The following RBM45 variants were observed in gnomAD, a reference collection of about 807,000 sequenced individuals.
The protein encoded by RBM45 is RNA binding motif protein 45, also known as RNA-binding protein 45.
In RBM45, 39 loss-of-function variants were observed where a neutral mutation model predicts 58.5. The observed-to-expected ratio is 0.67, with a 90% CI of 0.52 to 0.87. The LOEUF (loss-of-function observed/expected upper bound fraction) is 0.87. Ranked by LOEUF, RBM45 falls within the 40% of genes least tolerant of loss-of-function variation. RBM45 has a pLI of 0.00. For missense variants in RBM45, 481 were observed against 581.6 expected (o/e 0.83, Z 1.78); for synonymous variants, 193 against 203.0 (o/e 0.95, Z 0.42).
At chr2:178,116,457 A>C in intron 2 of RBM45, 73 bp downstream of exon 2, 1 of 1,328,360 alleles carries the variant, frequency 7.5e-7, no homozygotes. Flanking sequence ...CTAAATCTGA[A>C]ATGTTGTTGG....
At position 178,123,394 on chromosome 2, in the gene RBM45, C is replaced by T. The variant is rs528012263; in HGVS notation, c.854-128C>T. 7.4e-5 allele frequency: 66 copies of T among 887,564 alleles called. No individual in the cohort carries two copies. The South Asian group carries it at 7.7e-4, about 10-fold the overall frequency. The allele number at this position is 887,564 out of a possible 1,614,324, so 55.0% of individuals were successfully genotyped here. A position where few individuals can be genotyped will look rare whatever the true frequency, so the allele number is the denominator to read the frequency against. ...ACAGAACTGTGTTTTCTGATACATT[C>T]GATTCTGTATTTACTAGTTGTGTGA... is the stretch of plus-strand genomic sequence containing the variant. On this transcript the variant is annotated intron_variant, in intron 5 of 9. Coordinates refer to ENST00000286070, the MANE Select transcript of RBM45 (RefSeq NM_152945.4).
chr2:178,127,070 G>A (rs2087940774), intron 9 of RBM45, among the ~76,000 whole-genome samples: 1 of 152,062 alleles, frequency 6.6e-6, no homozygotes, highest in African/African-American at 2.4e-5. Flanking sequence ...CCCAGTAGCT[G>A]GGACTACAGG....
At chr2:178,114,442 G>A (rs1243748084) in intron 1 of RBM45, among the ~76,000 whole-genome samples, 1 of 152,128 alleles carries the variant, frequency 6.6e-6, no homozygotes, top group Non-Finnish European at 1.5e-5. Context: ...ACACCGAAAT[G>A]TACCCTCTCT....
chr2:178,125,064 G>C (rs2087910916), intron 8 of RBM45, among the ~76,000 whole-genome samples: 1 of 152,096 alleles, frequency 6.6e-6, no homozygotes, highest in African/African-American at 2.4e-5. Context: ...TAGACAGGAA[G>C]CTTGTTAAAG....
chr2:178,135,685 A>G (rs557275120), intron 3 of RBM45, among the ~76,000 whole-genome samples: 1 of 152,312 alleles, frequency 6.6e-6, no homozygotes, highest in South Asian at 2.1e-4. Context: ...GATCTTGTTG[A>G]TATTATTAGC....
intron 8 of RBM45, chr2:178,125,652 G>A (rs2087919290): frequency 8.1e-6 from 4 of 491,408 alleles, no homozygotes; most frequent in Middle Eastern, 3.2e-4. Flanking sequence ...ATGGGGAGCT[G>A]CTGAGGGGAC....
At chr2:178,114,128 A>G (rs1237263951) in intron 1 of RBM45, among the ~76,000 whole-genome samples, 3 of 152,240 alleles carry the variant, frequency 2.0e-5, no homozygotes, top group African/African-American at 7.2e-5. Context: ...TAAATATTTT[A>G]GGCTTTGCAG....
chr2:178,121,036 G>A (rs1574410953), intron 4 of RBM45, 144 bp from the exon 5 acceptor site: 4 of 438,924 alleles, frequency 9.1e-6, no homozygotes, highest in East Asian at 7.0e-5. Context: ...TAGTCCCATC[G>A]GTAGTTCTGA....
rs774286990 is a variant in RBM45 at position 178,126,037 on chromosome 2, A to G, written c.1286A>G (p.Tyr429Cys). The change falls in exon 9 of 10, where the codon TAT (tyrosine) becomes TGT (cysteine). Residue 429 changes from tyrosine to cysteine, a missense_variant. Coordinates refer to ENST00000286070, the MANE Select transcript of RBM45 (RefSeq NM_152945.4). ...CTTGTGTCAGGAAAAAATGTGGGGT[A>G]TGCCAAGTATGCCGATAGAATAAGT... Reference protein sequence around the residue: ...VYLVSGKNVGYAKYADRISAN... With the variant: ...VYLVSGKNVGCAKYADRISAN... The G allele has an allele frequency of 6.2e-7, 1 of 1,614,002 alleles. No homozygotes were observed. The highest frequency in any genetic ancestry group is 1.1e-5 in the South Asian group (1 of 91,076).
chr2:178,123,578 T>C lies in RBM45; in HGVS notation c.910T>C (p.Leu304=). 10 of 1,608,970 alleles carry C rather than the reference T, an allele frequency of 6.2e-6. No individual in the cohort carries two copies. Among genetic ancestry groups the C allele is most frequent in the South Asian group, 1.1e-5 (1 of 89,776 alleles). Residue 304 remains leucine (L), a synonymous_variant, in exon 6 of 10, where the codon TTA becomes CTA. Transcript: ENST00000286070. The stretch of plus-strand genomic sequence containing the variant: ...ATCAGCTATTTATGCAAAATACAAA[T>C]TACATGGATTTCAGTACCCTCCTGG... ...VASAIYAKYK[L]HGFQYPPGNR...
intron 1 of RBM45, among the ~76,000 whole-genome samples, chr2:178,115,713 GAAAC>G (rs1217009210): frequency 6.6e-6 from 1 of 152,076 alleles, no homozygotes; most frequent in Non-Finnish European, 1.5e-5. Flanking sequence ...AAAGGAAAAA[GAAAC>G]AAACAATGCA....
chr2:178,126,526 A>G (rs1392033916), intron 9 of RBM45, among the ~76,000 whole-genome samples: 1 of 152,214 alleles, frequency 6.6e-6, no homozygotes, highest in Non-Finnish European at 1.5e-5. Flanking sequence ...AAATACTTCT[A>G]AAGATTTTTA....
chr2:178,129,290 T>C (rs7564892), intron 9 of RBM45, 107 bp from the exon 10 acceptor site: 48,986 of 152,118 alleles, frequency 0.32, 9,609 homozygotes, highest in East Asian at 0.58. Flanking sequence ...TAACATTGGG[T>C]ATATTGAAAT....
chr2:178,113,997 C>T (rs1574406671), intron 1 of RBM45, among the ~76,000 whole-genome samples: 1 of 152,136 alleles, frequency 6.6e-6, no homozygotes, highest in Non-Finnish European at 1.5e-5. Flanking sequence ...AGTAAACAGT[C>T]CCTTCCTCCC....
Position 178,112,811 on chromosome 2 carries a change from C to T in RBM45, c.265C>T (p.Gln89Ter). 1 of 1,612,558 alleles carries T rather than the reference C, an allele frequency of 6.2e-7. No individual in the cohort carries two copies. The highest frequency in any genetic ancestry group is 8.5e-7 in the Non-Finnish European group (1 of 1,178,908). ...ACRAMEEMHG[Q>*]CLGPNDTKPI... ...CAGGGCCATGGAGGAGATGCATGGC[C>T]AGTGCCTCGGCCCCAACGACACCAA... The change falls in exon 1 of 10, where the codon CAG becomes TAG. Residue 89 changes from glutamine (Q) to a stop codon, truncating the protein, a stop_gained. Coordinates refer to ENST00000286070, the MANE Select transcript of RBM45 (RefSeq NM_152945.4). LOFTEE classifies it high-confidence loss of function.
At chr2:178,135,161 G>A (rs1339942871) in intron 3 of RBM45, among the ~76,000 whole-genome samples, 2 of 152,152 alleles carry the variant, frequency 1.3e-5, no homozygotes, top group South Asian at 2.1e-4. Flanking sequence ...AAGTGCCAGC[G>A]TGACCATTTT....
chr2:178,124,002 A>G (rs2087892346), intron 7 of RBM45, 90 bp downstream of exon 7: 1 of 1,500,226 alleles, frequency 6.7e-7, no homozygotes, highest in Admixed American at 1.8e-5. Context: ...TTATCTGTGT[A>G]TGAAAATTTT....
downstream of RBM45, among the ~76,000 whole-genome samples, chr2:178,134,430 C>A (rs145862406): frequency 2.0e-5 from 3 of 152,212 alleles, no homozygotes; most frequent in East Asian, 3.9e-4. Context: ...TCTCCAAATT[C>A]TTTTCTGATT....
Position 178,121,250 on chromosome 2 carries a change from G to A in RBM45, c.744G>A (p.Leu248=), listed in dbSNP as rs2087847449. The change falls in exon 5 of 10, where the codon TTG becomes TTA. Residue 248 remains leucine (L), a synonymous_variant. Transcript: ENST00000286070. ...SRGQEAISKR[L]SVVSRVPFTE... ...GCCAGGAAGCAATCTCCAAACGCTT[G>A]TCAGTTGTATCAAGAGTTCCTTTCA... The A allele has an allele frequency of 6.3e-7, 1 of 1,593,694 alleles. No individual in the cohort carries two copies. The highest frequency in any genetic ancestry group is 1.4e-5 in the African/African-American group (1 of 73,764).
Sources: gnomAD v4.1 joint callset for allele counts (sites outside exome capture counted in the v4.1 genomes callset) on GRCh38, gnomAD v4.1.1 for gene constraint, MANE v1.5 for transcripts, NCBI Gene and HGNC (gene_info 2026-07-23, HGNC 2026-07-21) for gene names.